ITGAX: variants seen among roughly 807,000 people sequenced by gnomAD.
ITGAX encodes integrin alpha-X.
A neutral mutation model predicts 140.2 loss-of-function variants in ITGAX; 99 were observed. The observed-to-expected ratio is 0.71, with a 90% CI of 0.60 to 0.83. The LOEUF is 0.83. Ranked by LOEUF, ITGAX falls within the 40% of genes least tolerant of loss-of-function variation. The pLI, the probability that ITGAX is intolerant of heterozygous loss-of-function variation, is 0.00. For missense variants in ITGAX, 1,444 were observed against 1,482.0 expected (o/e 0.97, Z 0.42); for synonymous variants, 631 against 600.4 (o/e 1.05, Z -0.75).
chr16:31,371,397 T>C lies in ITGAX; in HGVS notation c.1905T>C (p.Ser635=). 3 of 1,614,238 alleles carry C rather than the reference T, an allele frequency of 1.9e-6. No homozygotes were observed. The highest frequency in any genetic ancestry group is 2.5e-6 in the Non-Finnish European group (3 of 1,180,038). Reference sequence around the variant, plus strand: ...TCATACCTGCCGAGATCCCCAGGTCTGCGTTTGAGTGTCGGGAGCAGGTGG... The same window carrying C: ...TCATACCTGCCGAGATCCCCAGGTCCGCGTTTGAGTGTCGGGAGCAGGTGG... ...MQFIPAEIPR[S]AFECREQVVS... Residue 635 remains serine, a synonymous_variant, in exon 16 of 30, where the codon TCT becomes TCC. Coordinates refer to ENST00000268296, the MANE Select transcript of ITGAX (RefSeq NM_000887.5).
intron 7 of ITGAX, 106 bp downstream of exon 7, chr16:31,360,171 G>A (rs1384948038): frequency 2.2e-5 from 34 of 1,529,822 alleles, no homozygotes; most frequent in Non-Finnish European, 2.8e-5. Context: ...AATCCAGCCC[G>A]TGATACCCTT....
chr16:31,376,118 G>A (rs1231871807), intron 20 of ITGAX, among the ~76,000 whole-genome samples: 1 of 152,178 alleles, frequency 6.6e-6, no homozygotes, highest in Non-Finnish European at 1.5e-5. Flanking sequence ...AGAGAACATA[G>A]CAGAAACAAG....
intron 12 of ITGAX, 71 bp downstream of exon 12, chr16:31,362,824 G>A (rs1238043602): frequency 6.2e-7 from 1 of 1,606,914 alleles, no homozygotes; most frequent in East Asian, 2.2e-5. Context: ...AGAGGATGGA[G>A]GGGCTTTGAG....
At position 31,381,005 on chromosome 16, in the gene ITGAX, A is replaced by C. The variant is rs2081064797; in HGVS notation, c.3385A>C (p.Lys1129Gln). 3.1e-6 allele frequency: 5 copies of C among 1,612,440 alleles called. No individual in the cohort carries two copies. The highest frequency in any genetic ancestry group is 3.4e-6 in the Non-Finnish European group (4 of 1,178,522). ...GGCACTCATCACAGCGGTACTGTAC[A>C]AAGTGAGTGTTTTATGCCACTCTTG... Reference protein sequence around the residue: ...LLALITAVLYKVGFFKRQYKE... With the variant: ...LLALITAVLYQVGFFKRQYKE... The change falls in exon 29 of 30, where the codon AAA (lysine) becomes CAA (glutamine). Residue 1129 changes from lysine (K) to glutamine (Q), a missense_variant and splice_region_variant. By Grantham distance (53) the Lys-to-Gln change is moderately conservative. Transcript: ENST00000268296.
chr16:31,355,673 C>A (rs1266917592), intron 1 of ITGAX, among the ~76,000 whole-genome samples: 2 of 152,246 alleles, frequency 1.3e-5, no homozygotes, highest in East Asian at 3.9e-4. Context: ...CTGGGTACTG[C>A]TCTGCAGAAA....
intron 20 of ITGAX, among the ~76,000 whole-genome samples, chr16:31,376,569 G>A (rs2081020895): frequency 6.6e-6 from 1 of 152,180 alleles, no homozygotes; most frequent in Non-Finnish European, 1.5e-5. Context: ...AGGCTGCAGT[G>A]AGCTGTGATT....
At position 31,382,652 on chromosome 16, in the gene ITGAX, C is replaced by T. The variant is rs901451487; in HGVS notation, c.*745C>T. 130 of 623,184 alleles carry T rather than the reference C, an allele frequency of 2.1e-4. 3 individuals carry two copies. The highest frequency in any genetic ancestry group is 1.7e-3 in the South Asian group (100 of 57,748). 38.6% of individuals were successfully genotyped at this position (623,184 alleles called of 1,614,324 possible). ...GGCTTCATCGTGGGGCTCTCAGTTC[C>T]GATTTCCCAGGCTGAATTGGGAGTG... On this transcript the variant is annotated 3_prime_UTR_variant, in exon 30 of 30. Coordinates refer to ENST00000268296, the MANE Select transcript of ITGAX (RefSeq NM_000887.5).
intron 5 of ITGAX, chr16:31,357,691 A>T (rs1046898808): frequency 2.3e-6 from 1 of 432,464 alleles, no homozygotes; most frequent in Non-Finnish European, 4.0e-6. Flanking sequence ...CGACAGCCCC[A>T]TGAAGGCCAG....
rs150242454 is a variant in ITGAX, at chr16:31,361,085, G to A, written c.884G>A (p.Arg295Lys). Residue 295 changes from arginine to lysine, a missense_variant, in exon 9 of 30, where the codon AGA (arginine) becomes AAA (lysine). Coordinates refer to ENST00000268296, the MANE Select transcript of ITGAX (RefSeq NM_000887.5). Reference protein sequence around the residue: ...AIGVGLAFQNRNSWKELNDIA... With the variant: ...AIGVGLAFQNKNSWKELNDIA... ...CAGGTTGGATTAGCTTTTCAAAACA[G>A]AAATTCTTGGAAAGAATTAAATGAC... 2 of 1,612,298 alleles carry A rather than the reference G, an allele frequency of 1.2e-6. No individual in the cohort carries two copies. Among genetic ancestry groups the A allele is most frequent in the Non-Finnish European group, 1.7e-6 (2 of 1,179,652 alleles).
In ITGAX at chr16:31,371,381, C is replaced by T; in HGVS notation, c.1889C>T (p.Ala630Val). The change falls in exon 16 of 30, where the codon GCC (alanine) becomes GTC (valine). Residue 630 changes from alanine to valine, a missense_variant. Transcript: ENST00000268296. ...GGGGTGAGCATGCAGTTCATACCTG[C>T]CGAGATCCCCAGGTCTGCGTTTGAG... The part of the protein sequence containing the change: ...WVGVSMQFIP[A>V]EIPRSAFECR... 4 of 1,614,194 alleles carry T rather than the reference C, an allele frequency of 2.5e-6. No individual in the cohort carries two copies. The highest frequency in any genetic ancestry group is 3.4e-6 in the Non-Finnish European group (4 of 1,180,036).
Position 31,361,093 on chromosome 16 carries a change from T to C in ITGAX, c.892T>C (p.Trp298Arg). 1 of 1,612,764 alleles carries C rather than the reference T, an allele frequency of 6.2e-7. No individual in the cohort carries two copies. The highest frequency in any genetic ancestry group is 8.5e-7 in the Non-Finnish European group (1 of 1,179,726). The part of the protein sequence containing the change: ...VGLAFQNRNS[W>R]KELNDIASKP... Reference sequence around the variant, plus strand: ...ATTAGCTTTTCAAAACAGAAATTCTTGGAAAGAATTAAATGACATTGCATC... The same window carrying C: ...ATTAGCTTTTCAAAACAGAAATTCTCGGAAAGAATTAAATGACATTGCATC... The change falls in exon 9 of 30, where the codon TGG becomes CGG. Residue 298 changes from tryptophan to arginine, a missense_variant. Physicochemically the swap from Trp to Arg is moderately radical, Grantham distance 101 (BLOSUM62 -3). Transcript: ENST00000268296.
chr16:31,381,972 C>A lies in ITGAX; in HGVS notation c.*65C>A. ...TCCCCACTTACTTACCCTCACCTGT[C>A]AGGCCTGACGGGGAGGAACCACTGC... On this transcript the variant is annotated 3_prime_UTR_variant, in exon 30 of 30. Transcript: ENST00000268296. 6.9e-7 allele frequency: 1 copy of A among 1,456,942 alleles called. No individual in the cohort carries two copies. The highest frequency in any genetic ancestry group is 2.2e-4 in the Middle Eastern group (1 of 4,514). The allele number at this position is 1,456,942 out of a possible 1,614,324, so 90.3% of individuals were successfully genotyped here.
chr16:31,357,347 T>C lies in ITGAX; in HGVS notation c.413T>C (p.Leu138Pro). The C allele has an allele frequency of 6.2e-7, 1 of 1,603,508 alleles. No homozygotes were observed. Among genetic ancestry groups the C allele is most frequent in the Non-Finnish European group, 8.5e-7 (1 of 1,175,582 alleles). ...LLGPTQLTQR[L>P]PVSRQECPRQ... ...GGCCCCACCCAGCTCACCCAGAGGC[T>C]CCCGGTGTCCAGGCAGGGTGAGTGT... The change falls in exon 5 of 30, where the codon CTC becomes CCC. Residue 138 changes from leucine to proline, a missense_variant. By Grantham distance (98) the Leu-to-Pro change is moderately conservative. Transcript: ENST00000268296.
chr16:31,358,613 G>C (rs2080787528), intron 5 of ITGAX, among the ~76,000 whole-genome samples: 1 of 151,082 alleles, frequency 6.6e-6, no homozygotes, highest in Admixed American at 6.6e-5. Flanking sequence ...ATTAAAAAAA[G>C]AAATTTAACA....
At chr16:31,372,850 C>T (rs1444708231) in intron 19 of ITGAX, among the ~76,000 whole-genome samples, 180 bp downstream of exon 19, 1 of 152,042 alleles carries the variant, frequency 6.6e-6, no homozygotes, top group Non-Finnish European at 1.5e-5. Context: ...GTGGGAGGAT[C>T]TTTTGAGGCC....
In ITGAX at chr16:31,359,725, T is replaced by C; in HGVS notation, c.456T>C (p.Ile152=). ...AGTGCCCAAGACAGGAGCAGGACAT[T>C]GTGTTCCTGATCGATGGCTCAGGCA... ...RQECPRQEQD[I]VFLIDGSGSI... The change falls in exon 6 of 30, where the codon ATT becomes ATC. Residue 152 remains isoleucine, a synonymous_variant. Transcript: ENST00000268296. 6.2e-7 allele frequency: 1 copy of C among 1,614,126 alleles called. No homozygotes were observed. Among genetic ancestry groups the C allele is most frequent in the Non-Finnish European group, 8.5e-7 (1 of 1,180,028 alleles).
chr16:31,381,830 G>C lies in ITGAX; in HGVS notation c.3415G>C (p.Glu1139Gln), dbSNP rs1268695114. 1 of 873,426 alleles carries C rather than the reference G, an allele frequency of 1.1e-6. No homozygotes were observed. Among genetic ancestry groups the C allele is most frequent in the African/African-American group, 1.6e-5 (1 of 61,242 alleles). The allele number at this position is 873,426 out of a possible 1,614,324, so 54.1% of individuals were successfully genotyped here. A position where few individuals can be genotyped will look rare whatever the true frequency, so the allele number is the denominator to read the frequency against. Reference sequence around the variant, plus strand: ...TGGCTTCTTCAAGCGTCAGTACAAGGAAATGATGGAGGAGGCAAATGGACA... The same window carrying C: ...TGGCTTCTTCAAGCGTCAGTACAAGCAAATGATGGAGGAGGCAAATGGACA... ...KVGFFKRQYK[E>Q]MMEEANGQIA... The change falls in exon 30 of 30, where the codon GAA becomes CAA. Residue 1139 changes from glutamate (E) to glutamine (Q), a missense_variant. Physicochemically the swap from Glu to Gln is conservative, Grantham distance 29. Coordinates refer to ENST00000268296, the MANE Select transcript of ITGAX (RefSeq NM_000887.5).
chr16:31,380,824 G>C, intron 28 of ITGAX, 73 bp from the exon 29 acceptor site: 1 of 1,417,414 alleles, frequency 7.1e-7, no homozygotes, highest in Non-Finnish European at 9.9e-7. Context: ...GGGAGTTAAA[G>C]GTTGGGGAGC....
At chr16:31,381,285 T>G (rs2081066934) in intron 29 of ITGAX, among the ~76,000 whole-genome samples, 2 of 152,206 alleles carry the variant, frequency 1.3e-5, no homozygotes, top group Non-Finnish European at 2.9e-5. Context: ...GACCTGGGTT[T>G]GAATGTCGAC....
Sources: allele counts gnomAD v4.1 joint callset (sites outside exome capture counted in the v4.1 genomes callset), GRCh38; gene constraint gnomAD v4.1.1; transcripts MANE v1.5; gene names NCBI Gene and HGNC (gene_info 2026-07-23, HGNC 2026-07-21).